Variants in MTSS1 observed in about 807,000 individuals in gnomAD.
The protein encoded by MTSS1 is MTSS I-BAR domain containing 1.
A neutral mutation model predicts 79.0 loss-of-function variants in MTSS1; 18 were observed. That is an observed-to-expected ratio of 0.23 (90% CI 0.16 to 0.34). The LOEUF (loss-of-function observed/expected upper bound fraction) is 0.34. Ranked by LOEUF, MTSS1 falls within the 10% of genes least tolerant of loss-of-function variation. The pLI, the probability that MTSS1 is intolerant of heterozygous loss-of-function variation, is 1.00. For synonymous variants in MTSS1, 341 were observed against 368.6 expected (o/e 0.93, Z 0.86); for missense variants, 815 against 986.2 (o/e 0.83, Z 2.33).
At chr8:124,708,646 T>C (rs1830718218) in intron 1 of MTSS1, among the ~76,000 whole-genome samples, 1 of 152,088 alleles carries the variant, frequency 6.6e-6, no homozygotes, top group Non-Finnish European at 1.5e-5. Context: ...TGAAGAAACT[T>C]CTTATCTGCC....
At chr8:124,717,002 T>TAAAAA (rs34043239) in intron 1 of MTSS1, among the ~76,000 whole-genome samples, 2 of 132,394 alleles carry the variant, frequency 1.5e-5, no homozygotes, top group African/African-American at 5.4e-5. Context: ...TTATAATTAG[T>TAAAAA]AAAAAAAAAA....
At chr8:124,577,551 T>A in intron 6 of MTSS1, 1 of 518,706 alleles carries the variant, frequency 1.9e-6, no homozygotes, top group South Asian at 1.4e-5. Flanking sequence ...AGGAGATTTC[T>A]GAGTTAAATT....
At chr8:124,658,873 C>T (rs1015357403) in intron 3 of MTSS1, among the ~76,000 whole-genome samples, 2 of 152,180 alleles carry the variant, frequency 1.3e-5, no homozygotes, top group Non-Finnish European at 1.5e-5. Flanking sequence ...TCATATTAGC[C>T]AGCACCTCGA....
intron 2 of MTSS1, among the ~76,000 whole-genome samples, chr8:124,703,345 T>G (rs976378282): frequency 1.2e-4 from 18 of 152,220 alleles, no homozygotes; most frequent in African/African-American, 4.3e-4. Context: ...CAGGCTAGAG[T>G]GCAATGGCAC....
At chr8:124,562,349 C>T (rs549757668) in intron 10 of MTSS1, among the ~76,000 whole-genome samples, 93 of 152,296 alleles carry the variant, frequency 6.1e-4, no homozygotes, top group Admixed American at 2.4e-3. Context: ...AACCTGAGAG[C>T]GCCAAGGGAT....
intron 3 of MTSS1, among the ~76,000 whole-genome samples, chr8:124,665,291 T>A (rs959794290): frequency 1.3e-5 from 2 of 152,248 alleles, no homozygotes; most frequent in African/African-American, 4.8e-5. Flanking sequence ...ATCTGTTCAG[T>A]GACTAATTCT....
At chr8:124,642,640 T>C (rs981168218) in intron 3 of MTSS1, among the ~76,000 whole-genome samples, 1 of 152,232 alleles carries the variant, frequency 6.6e-6, no homozygotes, top group South Asian at 2.1e-4. Context: ...TTGCCCAGTC[T>C]GCATTGCAAT....
At chr8:124,709,784 C>T (rs1387554439) in intron 1 of MTSS1, among the ~76,000 whole-genome samples, 1 of 152,200 alleles carries the variant, frequency 6.6e-6, no homozygotes, top group Non-Finnish European at 1.5e-5. Flanking sequence ...TCCCCACACA[C>T]ACCACACCCT....
At chr8:124,711,811 A>G (rs1297633632) in intron 1 of MTSS1, among the ~76,000 whole-genome samples, 1 of 152,150 alleles carries the variant, frequency 6.6e-6, no homozygotes, top group Non-Finnish European at 1.5e-5. Context: ...GTTCGAGACC[A>G]GCCTGGGGAA....
intron 3 of MTSS1, among the ~76,000 whole-genome samples, chr8:124,595,758 T>C (rs1442889611): frequency 6.6e-6 from 1 of 152,056 alleles, no homozygotes; most frequent in Non-Finnish European, 1.5e-5. Flanking sequence ...GGCATCCTTA[T>C]CATGGCCATT....
chr8:124,617,123 G>C (rs1472652074), intron 3 of MTSS1, among the ~76,000 whole-genome samples: 1 of 152,238 alleles, frequency 6.6e-6, no homozygotes, highest in African/African-American at 2.4e-5. Flanking sequence ...TACCACACAT[G>C]AGTGTGTCAG....
At chr8:124,652,828 G>A (rs1820241580) in intron 3 of MTSS1, among the ~76,000 whole-genome samples, 1 of 150,402 alleles carries the variant, frequency 6.6e-6, no homozygotes, top group Admixed American at 6.6e-5. Flanking sequence ...GCCATCAAGA[G>A]CAACTCTAAA....
intron 6 of MTSS1, among the ~76,000 whole-genome samples, chr8:124,583,536 C>T (rs1355682482): frequency 1.3e-5 from 2 of 152,204 alleles, no homozygotes; most frequent in Non-Finnish European, 2.9e-5. Flanking sequence ...CCAATTCAGC[C>T]TCCATGCAGA....
At chr8:124,712,285 G>A (rs899486804) in intron 1 of MTSS1, among the ~76,000 whole-genome samples, 21 of 152,154 alleles carry the variant, frequency 1.4e-4, no homozygotes, top group African/African-American at 4.8e-4. Context: ...TCAGCAGGGC[G>A]AGTGTGAGGA....
chr8:124,641,750 G>C (rs1480408466), intron 3 of MTSS1, among the ~76,000 whole-genome samples: 2 of 152,218 alleles, frequency 1.3e-5, no homozygotes, highest in Non-Finnish European at 2.9e-5. Flanking sequence ...GCTGGAGTCA[G>C]AGTGTTCCCC....
chr8:124,616,445 G>A (rs76300961), intron 3 of MTSS1, among the ~76,000 whole-genome samples: 2,744 of 150,538 alleles, frequency 0.018, 74 homozygotes, highest in African/African-American at 0.062. Context: ...AGTATGTTCC[G>A]ACATCCTGCC....
In MTSS1 at chr8:124,727,063, A is replaced by C. The variant is rs569672057; in HGVS notation, c.72+821T>G. Among the ~76,000 whole-genome samples the C allele has an allele frequency of 2.5e-4, 38 of 152,254 alleles. No individual in the cohort carries two copies. Among genetic ancestry groups the C allele is most frequent in the Admixed American group, 2.3e-3 (35 of 15,302 alleles). Reference sequence around the variant, plus strand: ...GTCCCACCCTTTGCAGGAAAAAACCAGGGTGTTGTTCCCCGCCCCCACGCG... The same window carrying C: ...GTCCCACCCTTTGCAGGAAAAAACCCGGGTGTTGTTCCCCGCCCCCACGCG... On this transcript the variant is annotated intron_variant, in intron 1 of 13. Transcript: ENST00000518547. The surrounding 1 kb of genome is among the most constrained non-coding windows in gnomAD (Gnocchi z 4.7).
Position 124,559,080 on chromosome 8 carries a change from C to T in MTSS1, c.1036-1205G>A, listed in dbSNP as rs537517728. 9.7e-4 allele frequency among the ~76,000 whole-genome samples: 147 copies of T among 152,318 alleles called. 1 individual carries two copies. In the Middle Eastern group the frequency reaches 0.027, roughly 28 times the overall value. On this transcript the variant is annotated intron_variant, in intron 10 of 13. Transcript: ENST00000518547. ...AAAGAAGCGTGCGACCCGGCCAGCC[C>T]TAGGTCACTAGACTGTGGGTCCCCA...
At chr8:124,594,723 G>A (rs935647522) in intron 3 of MTSS1, among the ~76,000 whole-genome samples, 1 of 152,210 alleles carries the variant, frequency 6.6e-6, no homozygotes, top group Non-Finnish European at 1.5e-5. Context: ...GAAGACAGGA[G>A]GCAGATGACA....
Sources: allele counts gnomAD v4.1 joint callset (sites outside exome capture counted in the v4.1 genomes callset), GRCh38; gene constraint gnomAD v4.1.1; non-coding constraint Gnocchi (gnomAD v3.1); transcripts MANE v1.5; gene names NCBI Gene and HGNC (gene_info 2026-07-23, HGNC 2026-07-21).